Variants in KLK14 observed in about 807,000 individuals in gnomAD.
The protein encoded by KLK14 is kallikrein related peptidase 14.
KLK14 carries 21 observed loss-of-function variants against 24.6 expected under a neutral mutation model. That is an observed-to-expected ratio of 0.85 (90% CI 0.61 to 1.23). The LOEUF is 1.23. KLK14 is among the 50% of genes most tolerant of loss of function. The pLI is 0.00. For missense variants in KLK14, 320 were observed against 338.9 expected (o/e 0.94, Z 0.44); for synonymous variants, 133 against 139.7 (o/e 0.95, Z 0.34).
chr19:51,081,627 C>T lies in KLK14; in HGVS notation c.117G>A (p.Gln39=). 6.4e-7 allele frequency: 1 copy of T among 1,551,858 alleles called. No homozygotes were observed. ...GCCTGGGACCCGCCAGCAGGGCCGC[C>T]TGCCACGGCTGGGAGCTCCGGGTGC... ...HTCTRSSQPW[Q]AALLAGPRRR... is the part of the protein sequence containing the mutation. The change falls in exon 3 of 6, where the codon CAG becomes CAA. Residue 39 remains glutamine (Q), a synonymous_variant. Coordinates refer to ENST00000650543, the MANE Select transcript of KLK14 (RefSeq NM_001369775.2).
At chr19:51,082,451 CA>C (rs1034710267) in intron 2 of KLK14, 123 bp downstream of exon 2, 277 of 874,714 alleles carry the variant, frequency 3.2e-4, no homozygotes, top group Middle Eastern at 1.4e-3. Context: ...CCATGACCCC[CA>C]AACCACTCCC....
In KLK14 at chr19:51,078,987, C is replaced by T. The variant is rs2122747253; in HGVS notation, c.467-36G>A. ...CTGCAGGGTTATAACTGGGTCTACC[C>T]TCCCATAAGACCCAAGGGTCCAGGC... On this transcript the variant is annotated intron_variant, in intron 4 of 5. Transcript: ENST00000650543. This position sits in a 1 kb window ranked among gnomAD's most constrained non-coding sequence, Gnocchi z 5.0. 4 of 1,608,646 alleles carry T rather than the reference C, an allele frequency of 2.5e-6. No individual in the cohort carries two copies. The highest frequency in any genetic ancestry group is 3.4e-6 in the Non-Finnish European group (4 of 1,177,970).
upstream of KLK14, among the ~76,000 whole-genome samples, chr19:51,083,489 GGA>G (rs756049627): frequency 6.6e-6 from 1 of 151,574 alleles, no homozygotes; most frequent in South Asian, 2.1e-4. Flanking sequence ...ACAGAGAGGG[GGA>G]GAGCAAGAGA....
Position 51,077,914 on chromosome 19 carries a change from G to A in KLK14, c.*93C>T, listed in dbSNP as rs2091812650. ...GCTGGGGGCCTGGACTCCTGGGTCTGAGGGAGGAGGGGCTGGGGCCTGGAC... is the reference window on the plus strand; with the variant it reads ...GCTGGGGGCCTGGACTCCTGGGTCTAAGGGAGGAGGGGCTGGGGCCTGGAC... On this transcript the variant is annotated 3_prime_UTR_variant, in exon 6 of 6. Transcript: ENST00000650543. 35 of 1,488,972 alleles carry A rather than the reference G, an allele frequency of 2.4e-5. No individual in the cohort carries two copies. The highest frequency in any genetic ancestry group is 3.2e-5 in the Non-Finnish European group (35 of 1,097,334). The allele number at this position is 1,488,972 out of a possible 1,614,324, so 92.2% of individuals were successfully genotyped here. A position where few individuals can be genotyped will look rare whatever the true frequency, so the allele number is the denominator to read the frequency against.
At chr19:51,080,703 C>T (rs1475115563) in intron 3 of KLK14, among the ~76,000 whole-genome samples, 2 of 152,148 alleles carry the variant, frequency 1.3e-5, no homozygotes, top group South Asian at 2.1e-4. Flanking sequence ...TATGGAGTTT[C>T]GCTCTTGTTG....
Position 51,078,959 on chromosome 19 carries a change from A to C in KLK14, c.467-8T>G, listed in dbSNP as rs752764372. ...GAGAGGCGGGGTACCTGGCTGGGGG[A>C]CACTGCAGGGTTATAACTGGGTCTA... On this transcript the variant is annotated splice_polypyrimidine_tract_variant and splice_region_variant and intron_variant, in intron 4 of 5. Coordinates refer to ENST00000650543, the MANE Select transcript of KLK14 (RefSeq NM_001369775.2). This position sits in a 1 kb window ranked among gnomAD's most constrained non-coding sequence, Gnocchi z 5.0. The C allele has an allele frequency of 1.9e-6, 3 of 1,612,858 alleles. No individual in the cohort carries two copies. In the Admixed American group the frequency reaches 5.0e-5, roughly 27 times the overall value.
chr19:51,080,969 G>A (rs901731870), intron 3 of KLK14, among the ~76,000 whole-genome samples: 7 of 152,216 alleles, frequency 4.6e-5, no homozygotes, highest in Non-Finnish European at 1.0e-4. Flanking sequence ...CACCGCACCC[G>A]CCACATTCTG....
chr19:51,078,642 C>T lies in KLK14; in HGVS notation c.603+173G>A, dbSNP rs949610918. On this transcript the variant is annotated intron_variant, in intron 5 of 5. Coordinates refer to ENST00000650543, the MANE Select transcript of KLK14 (RefSeq NM_001369775.2). This position sits in a 1 kb window ranked among gnomAD's most constrained non-coding sequence, Gnocchi z 5.0. ...AACTGAGGCATGAATGCTCTGAGTC[C>T]ATTACCCAGGGGGCACAGGGCTAGG... 6.6e-6 allele frequency among the ~76,000 whole-genome samples: 1 copy of T among 152,148 alleles called. No individual in the cohort carries two copies. The highest frequency in any genetic ancestry group is 1.5e-5 in the Non-Finnish European group (1 of 68,016).
rs1345102396 is a variant in KLK14, at chr19:51,078,013, G to C, written c.750C>G (p.Asp250Glu). Residue 250 changes from aspartate to glutamate, a missense_variant, in exon 6 of 6, where the codon GAC (aspartate) becomes GAG (glutamate). Transcript: ENST00000650543. The surrounding 1 kb of genome is among the most constrained non-coding windows in gnomAD (Gnocchi z 5.0). ...CATCCCACCGTGAAGACCATCATTT[G>C]TCCCGCATCGTTTCCTCAATCCAGC... The part of the protein sequence containing the change: ...YRSWIEETMR[D>E]K 6.2e-7 allele frequency: 1 copy of C among 1,613,870 alleles called. No individual in the cohort carries two copies. Among genetic ancestry groups the C allele is most frequent in the Non-Finnish European group, 8.5e-7 (1 of 1,179,822 alleles).
downstream of KLK14, chr19:51,077,537 C>A: frequency 5.7e-6 from 1 of 175,192 alleles, no homozygotes; most frequent in Non-Finnish European, 1.2e-5. Flanking sequence ...AAGGAGAGAT[C>A]AGAGCCGGAG....
In KLK14 at chr19:51,078,050, C is replaced by A. The variant is rs551789715; in HGVS notation, c.713G>T (p.Cys238Phe). ...TTCCTCAATCCAGCTTCTGTACTTG[C>A]ACAGGTTGGTGTAGACACCGGGGTA... ...PGYPGVYTNL[C>F]KYRSWIEETM... is the part of the protein sequence containing the mutation. Residue 238 changes from cysteine (C) to phenylalanine (F), a missense_variant, in exon 6 of 6, where the codon TGC becomes TTC. Cys to Phe is a radical substitution (Grantham distance 205). Transcript: ENST00000650543. The surrounding 1 kb of genome is among the most constrained non-coding windows in gnomAD (Gnocchi z 5.0). 11 of 1,613,994 alleles carry A rather than the reference C, an allele frequency of 6.8e-6. No individual in the cohort carries two copies. In the East Asian group the frequency reaches 1.8e-4, roughly 26 times the overall value.
chr19:51,080,994 G>A (rs1206482165), intron 3 of KLK14, among the ~76,000 whole-genome samples: 1 of 152,228 alleles, frequency 6.6e-6, no homozygotes, highest in Non-Finnish European at 1.5e-5. Flanking sequence ...TCAAACACTG[G>A]GTTGAAGTCT....
chr19:51,083,959 C>T (rs1013175103), upstream of KLK14, among the ~76,000 whole-genome samples: 4 of 151,580 alleles, frequency 2.6e-5, no homozygotes, highest in African/African-American at 9.7e-5. Flanking sequence ...ACAGGCAGGC[C>T]GATGGCAGAG....
In KLK14 at chr19:51,078,111, C is replaced by G. The variant is rs201317571; in HGVS notation, c.652G>C (p.Val218Leu). 3.7e-6 allele frequency: 6 copies of G among 1,613,804 alleles called. No individual in the cohort carries two copies. In the East Asian group the frequency reaches 8.9e-5, roughly 24 times the overall value. ...LVCRGQLQGL[V>L]SWGMERCALP... ...GCGCAGCGCTCCATTCCCCAAGACACGAGGCCCTGGAGCTGTCCTCTGCAC... is the reference window on the plus strand; with the variant it reads ...GCGCAGCGCTCCATTCCCCAAGACAGGAGGCCCTGGAGCTGTCCTCTGCAC... The change falls in exon 6 of 6, where the codon GTG becomes CTG. Residue 218 changes from valine to leucine, a missense_variant. Physicochemically the swap from Val to Leu is conservative, Grantham distance 32. Coordinates refer to ENST00000650543, the MANE Select transcript of KLK14 (RefSeq NM_001369775.2). This position sits in a 1 kb window ranked among gnomAD's most constrained non-coding sequence, Gnocchi z 5.0.
At chr19:51,080,560 G>A (rs953569452) in intron 3 of KLK14, among the ~76,000 whole-genome samples, 2 of 152,200 alleles carry the variant, frequency 1.3e-5, no homozygotes, top group Non-Finnish European at 2.9e-5. Context: ...CATAGATATG[G>A]CTTATAGGCA....
At chr19:51,083,772 T>G (rs377056414), upstream of KLK14, among the ~76,000 whole-genome samples, 2 of 144,860 alleles carry the variant, frequency 1.4e-5, no homozygotes, top group African/African-American at 2.6e-5. Context: ...AAGGTGGAGA[T>G]AGAATGGAAA....
intron 3 of KLK14, among the ~76,000 whole-genome samples, chr19:51,080,968 C>T (rs914614890): frequency 1.3e-5 from 2 of 152,218 alleles, no homozygotes; most frequent in African/African-American, 2.4e-5. Flanking sequence ...CCACCGCACC[C>T]GCCACATTCT....
Position 51,078,176 on chromosome 19 carries a change from G to A in KLK14, c.604-17C>T. 2 of 1,612,134 alleles carry A rather than the reference G, an allele frequency of 1.2e-6. No individual in the cohort carries two copies. Among genetic ancestry groups the A allele is most frequent in the Non-Finnish European group, 1.7e-6 (2 of 1,179,296 alleles). On this transcript the variant is annotated splice_polypyrimidine_tract_variant and intron_variant, in intron 5 of 5. Transcript: ENST00000650543. This position sits in a 1 kb window ranked among gnomAD's most constrained non-coding sequence, Gnocchi z 5.0. Reference sequence around the variant, plus strand: ...AGAGTCACCCTGAGGGGGAGGAACAGAAATGGAGACACTGATGGACAGGTA... The same window carrying A: ...AGAGTCACCCTGAGGGGGAGGAACAAAAATGGAGACACTGATGGACAGGTA...
rs1471103308 is a variant in KLK14, at chr19:51,077,953, G to A, written c.*54C>T. The A allele has an allele frequency of 1.9e-6, 3 of 1,598,468 alleles. No individual in the cohort carries two copies. Among genetic ancestry groups the A allele is most frequent in the East Asian group, 2.2e-5 (1 of 44,782 alleles). On this transcript the variant is annotated 3_prime_UTR_variant, in exon 6 of 6. Coordinates refer to ENST00000650543, the MANE Select transcript of KLK14 (RefSeq NM_001369775.2). Reference sequence around the variant, plus strand: ...TGGGGCCTGGACTCCTGGGTCCTGAGTAGAGAGAGGAGGGCCTGGGCAGCT... The same window carrying A: ...TGGGGCCTGGACTCCTGGGTCCTGAATAGAGAGAGGAGGGCCTGGGCAGCT...
Sources: gnomAD v4.1 joint callset for allele counts (sites outside exome capture counted in the v4.1 genomes callset) on GRCh38, gnomAD v4.1.1 for gene constraint, Gnocchi (gnomAD v3.1) non-coding constraint, MANE v1.5 for transcripts, NCBI Gene and HGNC (gene_info 2026-07-23, HGNC 2026-07-21) for gene names.